TASP1: variants seen among roughly 807,000 people sequenced by gnomAD.
TASP1 encodes taspase 1, also known as threonine aspartase 1.
A neutral mutation model predicts 56.6 loss-of-function variants in TASP1; 16 were observed. That is an observed-to-expected ratio of 0.28 (90% CI 0.19 to 0.43). The LOEUF is 0.43. Among genes scored for constraint, TASP1 ranks in the 20% least tolerant of loss-of-function variants. The pLI is 1.00. For missense variants in TASP1, 393 were observed against 511.6 expected (o/e 0.77, Z 2.24); for synonymous variants, 179 against 184.2 (o/e 0.97, Z 0.23).
At chr20:13,268,984 G>A in the TASP1 span, among the ~76,000 whole-genome samples, 1 of 152,168 alleles carries the variant, frequency 6.6e-6, no homozygotes, top group Non-Finnish European at 1.5e-5. Flanking sequence ...AAGAAGATAT[G>A]TATCTGCTAG....
the TASP1 span, among the ~76,000 whole-genome samples, chr20:13,347,445 C>T: frequency 6.6e-6 from 1 of 152,234 alleles, no homozygotes; most frequent in Non-Finnish European, 1.5e-5. Context: ...TCCTGCCCAA[C>T]CACGTCTCTT....
chr20:13,630,415 G>A (rs766683299), intron 1 of TASP1, among the ~76,000 whole-genome samples: 3 of 152,048 alleles, frequency 2.0e-5, no homozygotes, highest in East Asian at 1.9e-4. Flanking sequence ...AGGGGCGAGC[G>A]CAGTGGCTTA....
intron 10 of TASP1, among the ~76,000 whole-genome samples, chr20:13,488,396 G>C (rs1354583936): frequency 1.3e-5 from 2 of 151,960 alleles, no homozygotes; most frequent in African/African-American, 4.8e-5. Context: ...GAAGCCGCAA[G>C]ACTAATATCT....
chr20:13,516,646 T>C (rs1022504246), intron 10 of TASP1, among the ~76,000 whole-genome samples: 2 of 146,842 alleles, frequency 1.4e-5, no homozygotes, highest in Admixed American at 7.0e-5. Flanking sequence ...CATCACTTGA[T>C]CTTACGCCTT....
the TASP1 span, among the ~76,000 whole-genome samples, chr20:13,229,253 T>C: frequency 1.3e-5 from 2 of 152,198 alleles, no homozygotes; most frequent in African/African-American, 4.8e-5. Flanking sequence ...TGTATATGCC[T>C]ATATAGTTAC....
chr20:13,520,470 A>T (rs1465324340), intron 10 of TASP1, among the ~76,000 whole-genome samples: 1 of 152,210 alleles, frequency 6.6e-6, no homozygotes, highest in Non-Finnish European at 1.5e-5. Flanking sequence ...ACAATGCCAC[A>T]TATCTACAAC....
At chr20:13,179,803 T>C in the TASP1 span, among the ~76,000 whole-genome samples, 1 of 152,126 alleles carries the variant, frequency 6.6e-6, no homozygotes, top group Non-Finnish European at 1.5e-5. Flanking sequence ...CAGAGAGCTG[T>C]CCACTCTGGA....
the TASP1 span, among the ~76,000 whole-genome samples, chr20:13,130,676 C>T: frequency 0.16 from 24,462 of 152,206 alleles, 2,250 homozygotes; most frequent in Non-Finnish European, 0.21. Flanking sequence ...TGCACCAAGA[C>T]CCTTTTAATC....
chr20:13,271,384 G>A, the TASP1 span, among the ~76,000 whole-genome samples: 1 of 152,196 alleles, frequency 6.6e-6, no homozygotes, highest in Admixed American at 6.5e-5. Flanking sequence ...TGGGAGGTTA[G>A]GGAAAGGGTG....
In TASP1 at chr20:13,407,200, C is replaced by T. The variant is rs4814232; in HGVS notation, c.1170+10248G>A. Among the ~76,000 whole-genome samples, 11 of 152,166 alleles carry T rather than the reference C, an allele frequency of 7.2e-5. 1 individual carries two copies. Among genetic ancestry groups the T allele is most frequent in the Admixed American group, 5.9e-4 (9 of 15,274 alleles). On this transcript the variant is annotated intron_variant, in intron 13 of 13. Transcript: ENST00000337743. ...CAATGTTCTAATTCCAGAAAATTTT[C>T]GTCACCACTAAAAGAAACCCTGTGC...
At chr20:13,549,152 G>T (rs1213786785) in intron 8 of TASP1, among the ~76,000 whole-genome samples, 1 of 152,140 alleles carries the variant, frequency 6.6e-6, no homozygotes, top group Non-Finnish European at 1.5e-5. Context: ...CTCTGGACTG[G>T]CTTATAATAG....
At chr20:13,373,268 C>T in the TASP1 span, among the ~76,000 whole-genome samples, 1 of 151,980 alleles carries the variant, frequency 6.6e-6, no homozygotes, top group Non-Finnish European at 1.5e-5. Flanking sequence ...GTGTTTTATA[C>T]ACTTGATTTA....
At chr20:13,510,725 T>C (rs899675016) in intron 10 of TASP1, among the ~76,000 whole-genome samples, 4 of 152,216 alleles carry the variant, frequency 2.6e-5, no homozygotes, top group African/African-American at 9.6e-5. Flanking sequence ...ATTCAGGCCC[T>C]GTTTGACCTC....
At chr20:13,343,846 C>T in the TASP1 span, among the ~76,000 whole-genome samples, 3 of 152,058 alleles carry the variant, frequency 2.0e-5, no homozygotes, top group Non-Finnish European at 2.9e-5. Context: ...GGAATCTATT[C>T]CTGCAGAATC....
chr20:13,386,648 T>A (rs2041164856), downstream of TASP1, among the ~76,000 whole-genome samples: 3 of 152,176 alleles, frequency 2.0e-5, no homozygotes, highest in South Asian at 6.2e-4. Context: ...GTCACTGGTA[T>A]GCAATATTAC....
At chr20:13,180,193 TC>T in the TASP1 span, among the ~76,000 whole-genome samples, 2 of 152,216 alleles carry the variant, frequency 1.3e-5, no homozygotes, top group African/African-American at 4.8e-5. Context: ...ATCATGACAC[TC>T]TATTGCAAAA....
At chr20:13,539,342 TA>T (rs1225287047) in intron 8 of TASP1, among the ~76,000 whole-genome samples, 1 of 151,970 alleles carries the variant, frequency 6.6e-6, no homozygotes, top group Admixed American at 6.6e-5. Context: ...GTATACCATA[TA>T]AAAATCTAAA....
the TASP1 span, chr20:13,239,015 AGT>A: frequency 6.6e-6 from 1 of 152,240 alleles, no homozygotes; most frequent in Non-Finnish European, 1.5e-5. Context: ...CCTTACTGAG[AGT>A]GTGAAGTGTG....
chr20:13,631,023 G>A (rs892937204), intron 1 of TASP1, among the ~76,000 whole-genome samples: 2 of 151,986 alleles, frequency 1.3e-5, no homozygotes, highest in Non-Finnish European at 2.9e-5. Flanking sequence ...TTGGTTTTGG[G>A]TGGTATTTGG....
Sources: gnomAD v4.1 joint callset for allele counts (sites outside exome capture counted in the v4.1 genomes callset) on GRCh38, gnomAD v4.1.1 for gene constraint, MANE v1.5 for transcripts, NCBI Gene and HGNC (gene_info 2026-07-23, HGNC 2026-07-21) for gene names.